Variants in CPNE4 observed in about 807,000 individuals in gnomAD.
CPNE4 encodes copine 4.
Under a neutral mutation model 67.9 loss-of-function variants are expected in CPNE4, and 25 were observed. The observed-to-expected ratio is 0.37, with a 90% CI of 0.27 to 0.51. The LOEUF (loss-of-function observed/expected upper bound fraction) is 0.51. Ranked by LOEUF, CPNE4 falls within the 20% of genes least tolerant of loss-of-function variation. The pLI, the probability that CPNE4 is intolerant of heterozygous loss-of-function variation, is 0.93. For missense variants in CPNE4, 464 were observed against 690.8 expected (o/e 0.67, Z 3.68); for synonymous variants, 242 against 244.9 (o/e 0.99, Z 0.11).
intron 2 of CPNE4, among the ~76,000 whole-genome samples, chr3:131,781,998 G>GTGAA (rs2083441730): frequency 6.6e-6 from 1 of 152,120 alleles, no homozygotes; most frequent in African/African-American, 2.4e-5. Context: ...GCTTGAGTGA[G>GTGAA]TGAATGAATG....
chr3:132,019,710 T>C (rs913908706), intron 1 of CPNE4, among the ~76,000 whole-genome samples: 1 of 152,246 alleles, frequency 6.6e-6, no homozygotes, highest in African/African-American at 2.4e-5. Context: ...ATTCATGCTT[T>C]TGATTTGCAG....
At chr3:131,895,779 G>A (rs1470923796) in intron 2 of CPNE4, among the ~76,000 whole-genome samples, 1 of 151,988 alleles carries the variant, frequency 6.6e-6, no homozygotes, top group Non-Finnish European at 1.5e-5. Flanking sequence ...GAAGTAATTA[G>A]GCTACCTCAG....
intron 2 of CPNE4, among the ~76,000 whole-genome samples, chr3:131,885,947 C>T (rs2087867912): frequency 6.6e-6 from 1 of 152,132 alleles, no homozygotes; most frequent in Admixed American, 6.5e-5. Context: ...CCTGACAATG[C>T]AATAGAAAAG....
chr3:131,624,420 G>C lies in CPNE4; in HGVS notation c.682-36838C>G, dbSNP rs190177597. On this transcript the variant is annotated intron_variant, in intron 7 of 15. Coordinates refer to ENST00000429747, the MANE Select transcript of CPNE4 (RefSeq NM_130808.3). The stretch of plus-strand genomic sequence containing the variant: ...CCTTGGGGAGAAGTAACTTGTCCTT[G>C]CACCAGAAAACACAGGACTTTATTT... 3.9e-3 allele frequency among the ~76,000 whole-genome samples: 594 copies of C among 152,196 alleles called. 5 individuals carry two copies. The highest frequency in any genetic ancestry group is 0.013 in the African/African-American group (537 of 41,526).
At chr3:131,615,061 CA>C (rs968842974) in intron 7 of CPNE4, among the ~76,000 whole-genome samples, 5 of 152,152 alleles carry the variant, frequency 3.3e-5, no homozygotes, top group African/African-American at 1.2e-4. Flanking sequence ...GACCCACCCA[CA>C]AAGTTTGTGA....
At chr3:131,674,505 T>C (rs986673393) in intron 6 of CPNE4, among the ~76,000 whole-genome samples, 2 of 152,016 alleles carry the variant, frequency 1.3e-5, no homozygotes, top group Non-Finnish European at 2.9e-5. Context: ...TGTTATTTGA[T>C]ATTGATCTGT....
At chr3:131,919,398 C>T (rs1316742769) in intron 1 of CPNE4, among the ~76,000 whole-genome samples, 1 of 152,250 alleles carries the variant, frequency 6.6e-6, no homozygotes, top group East Asian at 1.9e-4. Context: ...GTTTGATACA[C>T]GTGCCAATAT....
Position 131,976,945 on chromosome 3 carries a change from G to A in CPNE4, c.-2+57622C>T, listed in dbSNP as rs369995631. Among the ~76,000 whole-genome samples the A allele has an allele frequency of 4.6e-5, 7 of 151,998 alleles. No individual in the cohort carries two copies. The East Asian group carries it at 9.7e-4, about 21-fold the overall frequency. On this transcript the variant is annotated intron_variant, in intron 1 of 15. Coordinates refer to ENST00000429747, the MANE Select transcript of CPNE4 (RefSeq NM_130808.3). ...GCCTCCTGAGTAGCTGGGATTACAGGCACACACCACCATGTCCGGCTAATT... is the reference window on the plus strand; with the variant it reads ...GCCTCCTGAGTAGCTGGGATTACAGACACACACCACCATGTCCGGCTAATT...
chr3:131,568,624 T>C (rs1007552588), intron 10 of CPNE4, among the ~76,000 whole-genome samples: 3 of 151,954 alleles, frequency 2.0e-5, no homozygotes, highest in African/African-American at 7.3e-5. Context: ...CACTGCTCAT[T>C]ATTAAGCAGA....
intron 7 of CPNE4, among the ~76,000 whole-genome samples, chr3:131,594,456 A>T (rs1414832231): frequency 5.3e-5 from 8 of 152,222 alleles, no homozygotes; most frequent in Non-Finnish European, 1.0e-4. Context: ...GGGAAATAAT[A>T]GCTCTTCAAC....
At chr3:131,607,352 T>C (rs537252540) in intron 7 of CPNE4, among the ~76,000 whole-genome samples, 1 of 152,214 alleles carries the variant, frequency 6.6e-6, no homozygotes, top group Non-Finnish European at 1.5e-5. Context: ...CATCCCATCA[T>C]TGGACAGACC....
chr3:131,894,748 T>C (rs750784731), intron 2 of CPNE4, among the ~76,000 whole-genome samples: 8 of 152,012 alleles, frequency 5.3e-5, no homozygotes, highest in Non-Finnish European at 1.0e-4. Context: ...AGGCAGCACT[T>C]ACACGCTATT....
chr3:131,829,560 C>A (rs529751291), intron 2 of CPNE4, among the ~76,000 whole-genome samples: 1 of 152,098 alleles, frequency 6.6e-6, no homozygotes, highest in Non-Finnish European at 1.5e-5. Flanking sequence ...TGCTGAATCA[C>A]CCAAACTGAT....
rs576705245 is a variant in CPNE4, at chr3:131,988,814, C to G, written c.-2+45753G>C. Among the ~76,000 whole-genome samples the G allele has an allele frequency of 2.0e-5, 3 of 152,232 alleles. No individual in the cohort carries two copies. In the South Asian group the frequency reaches 6.2e-4, roughly 32 times the overall value. Reference sequence around the variant, plus strand: ...ATTAAAAAATGTTTGACAATGATACCTCTTTTTCCATGGTCAGCATAGCTG... The same window carrying G: ...ATTAAAAAATGTTTGACAATGATACGTCTTTTTCCATGGTCAGCATAGCTG... On this transcript the variant is annotated intron_variant, in intron 1 of 15. Coordinates refer to ENST00000429747, the MANE Select transcript of CPNE4 (RefSeq NM_130808.3).
intron 2 of CPNE4, among the ~76,000 whole-genome samples, chr3:131,858,184 A>C (rs1046148733): frequency 1.6e-4 from 24 of 152,256 alleles, no homozygotes; most frequent in African/African-American, 5.3e-4. Flanking sequence ...GAACATAAGG[A>C]GTGAAAAAAG....
In CPNE4 at chr3:131,581,768, C is replaced by T. The variant is rs1937852081; in HGVS notation, c.781-103G>A. On this transcript the variant is annotated intron_variant, in intron 8 of 15. Transcript: ENST00000429747. ...GCTGAGGACAAACTGAACTGGAGGG[C>T]TGACAAATAGTCTCTAGGTGGTAAC... 5 of 787,880 alleles carry T rather than the reference C, an allele frequency of 6.3e-6. No homozygotes were observed. In the South Asian group the frequency reaches 7.3e-5, roughly 12 times the overall value. The allele number at this position is 787,880 out of a possible 1,614,324, so 48.8% of individuals were successfully genotyped here. A position where few individuals can be genotyped will look rare whatever the true frequency, so the allele number is the denominator to read the frequency against.
intron 7 of CPNE4, among the ~76,000 whole-genome samples, chr3:131,661,527 C>T (rs2107642682): frequency 6.6e-6 from 1 of 152,302 alleles, no homozygotes; most frequent in South Asian, 2.1e-4. Flanking sequence ...GCCTGCTGTA[C>T]TCAGGGGTGC....
At chr3:131,636,800 A>G (rs1236551801) in intron 7 of CPNE4, among the ~76,000 whole-genome samples, 2 of 152,130 alleles carry the variant, frequency 1.3e-5, no homozygotes, top group East Asian at 1.9e-4. Flanking sequence ...CTCCCCTGCT[A>G]CCTCCACCAG....
intron 3 of CPNE4, among the ~76,000 whole-genome samples, chr3:131,707,893 G>A (rs1481491012): frequency 6.6e-6 from 1 of 152,088 alleles, no homozygotes; most frequent in African/African-American, 2.4e-5. Flanking sequence ...GGAACCCTGG[G>A]CAGATTAACC....
Sources: gnomAD v4.1 joint callset for allele counts (sites outside exome capture counted in the v4.1 genomes callset) on GRCh38, gnomAD v4.1.1 for gene constraint, MANE v1.5 for transcripts, NCBI Gene and HGNC (gene_info 2026-07-23, HGNC 2026-07-21) for gene names.